FYB2: variants seen among roughly 807,000 people sequenced by gnomAD.
FYB2 encodes FYN-binding protein 2.
In FYB2, 103 loss-of-function variants were observed where a neutral mutation model predicts 94.1. That is an observed-to-expected ratio of 1.09 (90% CI 0.93 to 1.29). The LOEUF is 1.29. Among genes scored for constraint, FYB2 ranks in the 50% most tolerant of loss-of-function variants. The probability of loss-of-function intolerance (pLI) is 0.00; values close to 1 mark genes in which losing one functional copy is unlikely to be tolerated. For missense variants in FYB2, 896 were observed against 841.5 expected, an observed-to-expected ratio of 1.06 and a Z score of -0.80; for synonymous variants, 293 against 287.9, an observed-to-expected ratio of 1.02 and a Z score of -0.18.
chr1:56,794,340 T>A (rs1646345523), intron 1 of FYB2, among the ~76,000 whole-genome samples: 2 of 152,218 alleles, frequency 1.3e-5, no homozygotes, highest in Non-Finnish European at 2.9e-5. Context: ...ATTTTGTAAA[T>A]GTGTTCTGTC....
chr1:56,782,725 A>T lies in FYB2; in HGVS notation c.953+4450T>A, dbSNP rs184759459. Among the ~76,000 whole-genome samples the T allele has an allele frequency of 2.6e-5, 4 of 152,234 alleles. No individual in the cohort carries two copies. The East Asian group carries it at 7.7e-4, about 29-fold the overall frequency. On this transcript the variant is annotated intron_variant, in intron 4 of 19. Transcript: ENST00000343433. ...GTGAAAACACAAAATTAAAAACTTC[A>T]AGAGAGAAAATGGTAAACTCTTGAG...
intron 4 of FYB2, among the ~76,000 whole-genome samples, chr1:56,771,307 A>G (rs956528795): frequency 2.6e-5 from 4 of 152,188 alleles, no homozygotes; most frequent in Non-Finnish European, 4.4e-5. Flanking sequence ...CAAATGACAT[A>G]TACATCAACA....
chr1:56,750,662 G>A (rs1021974493), intron 9 of FYB2, among the ~76,000 whole-genome samples: 1 of 151,848 alleles, frequency 6.6e-6, no homozygotes, highest in Non-Finnish European at 1.5e-5. Context: ...TAGACAACAG[G>A]AGCTAGTATA....
intron 5 of FYB2, among the ~76,000 whole-genome samples, chr1:56,761,291 A>G (rs939655594): frequency 1.5e-4 from 23 of 152,248 alleles, no homozygotes; most frequent in African/African-American, 5.5e-4. Flanking sequence ...AAGCATTTAA[A>G]TGCATTATTT....
chr1:56,814,380 A>T (rs1451206406), intron 1 of FYB2, among the ~76,000 whole-genome samples: 1 of 152,190 alleles, frequency 6.6e-6, no homozygotes, highest in Non-Finnish European at 1.5e-5. Context: ...CCCCAGGGGA[A>T]ATGTGGGTGT....
intron 8 of FYB2, among the ~76,000 whole-genome samples, chr1:56,751,990 T>C (rs1253716946): frequency 2.0e-5 from 3 of 151,798 alleles, no homozygotes; most frequent in African/African-American, 7.3e-5. Context: ...CAAATGTCAG[T>C]AGGAGATTGA....
chr1:56,768,539 T>C (rs1645680031), intron 4 of FYB2, among the ~76,000 whole-genome samples: 1 of 152,130 alleles, frequency 6.6e-6, no homozygotes, highest in South Asian at 2.1e-4. Context: ...CAGCACCAAA[T>C]ACAGAGGTGG....
chr1:56,751,589 A>T (rs1645200362), intron 8 of FYB2, among the ~76,000 whole-genome samples: 1 of 152,050 alleles, frequency 6.6e-6, no homozygotes, highest in Admixed American at 6.6e-5. Flanking sequence ...TTAGTAATCT[A>T]CCTAGGCAGG....
At chr1:56,737,872 A>G (rs1644864302) in intron 14 of FYB2, among the ~76,000 whole-genome samples, 1 of 152,114 alleles carries the variant, frequency 6.6e-6, no homozygotes, top group African/African-American at 2.4e-5. Flanking sequence ...TTTTAAACAC[A>G]GACCAAGGAT....
chr1:56,795,384 TGG>T (rs1646372866), intron 1 of FYB2, among the ~76,000 whole-genome samples: 2 of 152,212 alleles, frequency 1.3e-5, no homozygotes, highest in Admixed American at 1.3e-4. Context: ...CATCCGTCAA[TGG>T]AGAGTCAGAT....
chr1:56,750,447 T>C (rs1160730279), intron 9 of FYB2, among the ~76,000 whole-genome samples: 2 of 151,978 alleles, frequency 1.3e-5, no homozygotes, highest in Non-Finnish European at 2.9e-5. Context: ...GTCACTATGA[T>C]ATTGTTTGTG....
At chr1:56,764,725 T>C (rs772043627) in intron 5 of FYB2, among the ~76,000 whole-genome samples, 6 of 152,330 alleles carry the variant, frequency 3.9e-5, no homozygotes, top group African/African-American at 1.2e-4. Flanking sequence ...TTGGCAGATA[T>C]ATTTTTTTTT....
At chr1:56,805,610 C>A (rs1180050379) in intron 1 of FYB2, among the ~76,000 whole-genome samples, 1 of 152,140 alleles carries the variant, frequency 6.6e-6, no homozygotes, top group East Asian at 1.9e-4. Flanking sequence ...ACACCAAAGC[C>A]TGTTGATATG....
intron 16 of FYB2, 61 bp downstream of exon 16, chr1:56,726,436 G>A: frequency 6.9e-7 from 1 of 1,459,260 alleles, no homozygotes; most frequent in Non-Finnish European, 9.4e-7. Flanking sequence ...AGGCCACACA[G>A]CTAGTAAGAG....
intron 9 of FYB2, among the ~76,000 whole-genome samples, chr1:56,746,341 T>C (rs1012598151): frequency 6.6e-6 from 1 of 152,026 alleles, no homozygotes; most frequent in African/African-American, 2.4e-5. Flanking sequence ...TTTAAATTTT[T>C]ATCTATTATC....
intron 4 of FYB2, among the ~76,000 whole-genome samples, chr1:56,770,313 C>G (rs1239324580): frequency 2.6e-5 from 4 of 152,238 alleles, no homozygotes; most frequent in Admixed American, 2.0e-4. Flanking sequence ...GTACCTACCT[C>G]CACCCTAACT....
intron 1 of FYB2, among the ~76,000 whole-genome samples, chr1:56,816,538 T>A (rs1646885637): frequency 6.6e-6 from 1 of 152,166 alleles, no homozygotes; most frequent in South Asian, 2.1e-4. Flanking sequence ...AACCAAGGGA[T>A]GGGAACATGG....
chr1:56,724,213 C>T (rs1204383147), intron 16 of FYB2, among the ~76,000 whole-genome samples: 1 of 151,796 alleles, frequency 6.6e-6, no homozygotes, highest in Non-Finnish European at 1.5e-5. Flanking sequence ...ATGGTTCAAT[C>T]GAAGAGCTCT....
intron 9 of FYB2, among the ~76,000 whole-genome samples, chr1:56,750,123 G>A (rs1003471321): frequency 3.3e-5 from 5 of 151,878 alleles, no homozygotes; most frequent in African/African-American, 7.3e-5. Context: ...AGGTGCCTAC[G>A]GCGTGCCATG....
Sources: gnomAD v4.1 joint callset for allele counts (sites outside exome capture counted in the v4.1 genomes callset) on GRCh38, gnomAD v4.1.1 for gene constraint, MANE v1.5 for transcripts, NCBI Gene and HGNC (gene_info 2026-07-23, HGNC 2026-07-21) for gene names.